Variants in SFXN5 observed in about 807,000 individuals in gnomAD.
SFXN5 encodes sideroflexin 5.
A neutral mutation model predicts 50.2 loss-of-function variants in SFXN5; 43 were observed. The ratio of observed to expected loss-of-function variants is 0.86; its 90% CI spans 0.67 to 1.11. The LOEUF is 1.11. Among genes scored for constraint, SFXN5 ranks in the 50% least tolerant of loss-of-function variants. The pLI, the probability that SFXN5 is intolerant of heterozygous loss-of-function variation, is 0.00. For missense variants in SFXN5, 463 were observed against 454.1 expected (o/e 1.02, Z -0.18); for synonymous variants, 203 against 185.8 (o/e 1.09, Z -0.75).
intron 12 of SFXN5, chr2:72,967,452 G>C (rs1674547191): frequency 1.3e-5 from 2 of 152,372 alleles, no homozygotes; most frequent in Admixed American, 1.3e-4. Flanking sequence ...GGGGTGGTCA[G>C]GGAGGGCCTC....
At chr2:72,966,307 A>T (rs562414196) in intron 12 of SFXN5, among the ~76,000 whole-genome samples, 1 of 152,322 alleles carries the variant, frequency 6.6e-6, no homozygotes, top group African/African-American at 2.4e-5. Context: ...TCACTGAACC[A>T]GCTTCAGAAT....
chr2:73,029,167 C>T (rs1212417885), intron 3 of SFXN5, among the ~76,000 whole-genome samples: 2 of 152,280 alleles, frequency 1.3e-5, no homozygotes, highest in African/African-American at 2.4e-5. Flanking sequence ...GATAGTGAGG[C>T]CCTAAAGACA....
At chr2:73,021,639 C>CTGGG (rs1676904943) in intron 5 of SFXN5, among the ~76,000 whole-genome samples, 1 of 152,172 alleles carries the variant, frequency 6.6e-6, no homozygotes. Flanking sequence ...GCCAGGCTCT[C>CTGGG]TGGGGGTGGC....
intron 3 of SFXN5, among the ~76,000 whole-genome samples, chr2:73,025,769 C>T (rs1427311311): frequency 3.3e-5 from 5 of 152,132 alleles, no homozygotes; most frequent in African/African-American, 9.7e-5. Flanking sequence ...AAGGTGCAGG[C>T]GGCATGGCCA....
In SFXN5 at chr2:73,052,359, CGTGTGTGTGTGTGTGTGT is replaced by C. The variant is rs59839344; in HGVS notation, c.171+6151_171+6168del. 2.0e-3 allele frequency among the ~76,000 whole-genome samples: 283 copies of C among 142,452 alleles called. 2 individuals are homozygous for C. The highest frequency in any genetic ancestry group is 5.5e-3 in the African/African-American group (217 of 39,328). 93.5% of individuals were successfully genotyped at this position (142,452 alleles called of 152,430 possible). On this transcript the variant is annotated intron_variant, in intron 2 of 13. Coordinates refer to ENST00000272433, the MANE Select transcript of SFXN5 (RefSeq NM_144579.3). ...GAGAGAGTGTGTGTGTGTGTGTATG[CGTGTGTGTGTGTGTGTGT>C]GTGTGTGTGTGTGTGATGAGTGCAT...
intron 1 of SFXN5, among the ~76,000 whole-genome samples, chr2:73,064,986 C>T (rs1218898382): frequency 6.6e-6 from 1 of 152,162 alleles, no homozygotes; most frequent in Non-Finnish European, 1.5e-5. Context: ...GGGGTTTCGC[C>T]ATGTTGCCTG....
In SFXN5 at chr2:73,001,578, C is replaced by T; in HGVS notation, c.358G>A (p.Val120Ile). The change falls in exon 7 of 14, where the codon GTA becomes ATA. Residue 120 changes from valine (V) to isoleucine (I), a missense_variant and splice_region_variant. Val to Ile is a conservative substitution (Grantham distance 29). Coordinates refer to ENST00000272433, the MANE Select transcript of SFXN5 (RefSeq NM_144579.3). The part of the protein sequence containing the change: ...SGYIPFGTPI[V>I]VGLLLPNQTL... ...TGGTTGGGCAAGAGAAGACCGACTACCTATGAGCAAGAGAGAAGAAATGCT... is the reference window on the plus strand; with the variant it reads ...TGGTTGGGCAAGAGAAGACCGACTATCTATGAGCAAGAGAGAAGAAATGCT... 2 of 1,614,128 alleles carry T rather than the reference C, an allele frequency of 1.2e-6. No individual in the cohort carries two copies. Among genetic ancestry groups the T allele is most frequent in the Non-Finnish European group, 1.7e-6 (2 of 1,179,992 alleles).
rs1048532877 is a variant in SFXN5, at chr2:72,953,774, C to G, written c.945+7357G>C. 4.6e-5 allele frequency among the ~76,000 whole-genome samples: 7 copies of G among 152,298 alleles called. No individual in the cohort carries two copies. Among genetic ancestry groups the G allele is most frequent in the African/African-American group, 1.7e-4 (7 of 41,556 alleles). ...GTGGACTCACATTCCAGCTTATTCC[C>G]AGCTCTTCTCCATTCTTGGTTGGGG... On this transcript the variant is annotated intron_variant, in intron 13 of 13. Transcript: ENST00000272433. The surrounding 1 kb of genome is among the most constrained non-coding windows in gnomAD (Gnocchi z 4.1).
chr2:72,950,955 G>A lies in SFXN5; in HGVS notation c.946-5856C>T, dbSNP rs1672464327. 6.6e-6 allele frequency among the ~76,000 whole-genome samples: 1 copy of A among 152,170 alleles called. No individual in the cohort carries two copies. Among genetic ancestry groups the A allele is most frequent in the Non-Finnish European group, 1.5e-5 (1 of 68,020 alleles). The stretch of plus-strand genomic sequence containing the variant: ...CCCAGGCCCAGGCAGCCAGCTCGGG[G>A]CGGGCTGGAATCCGTGGGCCCATCA... On this transcript the variant is annotated intron_variant, in intron 13 of 13. Coordinates refer to ENST00000272433, the MANE Select transcript of SFXN5 (RefSeq NM_144579.3). The surrounding 1 kb of genome is among the most constrained non-coding windows in gnomAD (Gnocchi z 4.2).
intron 2 of SFXN5, 26 bp from the exon 3 acceptor site, chr2:73,040,957 GA>G: frequency 6.2e-7 from 1 of 1,602,798 alleles, no homozygotes; most frequent in Non-Finnish European, 8.5e-7. Flanking sequence ...AAGAGACATT[GA>G]GGGGCACAGA....
intron 1 of SFXN5, among the ~76,000 whole-genome samples, chr2:73,067,137 G>A (rs1683237964): frequency 6.7e-6 from 1 of 150,190 alleles, no homozygotes; most frequent in South Asian, 2.1e-4. Context: ...AATATCATGT[G>A]ATAAAGAGAG....
chr2:72,996,520 T>TC (rs1385820282), intron 9 of SFXN5: 1 of 152,690 alleles, frequency 6.5e-6, no homozygotes, highest in Non-Finnish European at 1.4e-5. Context: ...TTTTTTTTTT[T>TC]TTTTTTGAGA....
chr2:73,050,745 A>C (rs981263864), intron 2 of SFXN5, among the ~76,000 whole-genome samples: 1 of 152,202 alleles, frequency 6.6e-6, no homozygotes, highest in Non-Finnish European at 1.5e-5. Context: ...TTCTAGCCAT[A>C]CTAATCTCCT....
intron 3 of SFXN5, among the ~76,000 whole-genome samples, chr2:73,027,236 T>A (rs1386217029): frequency 1.3e-5 from 2 of 152,256 alleles, no homozygotes; most frequent in South Asian, 2.1e-4. Flanking sequence ...CCTGACTCCA[T>A]GTAGGCCTAG....
At chr2:73,024,955 C>T (rs1221935864) in intron 3 of SFXN5, among the ~76,000 whole-genome samples, 1 of 152,184 alleles carries the variant, frequency 6.6e-6, no homozygotes, top group Non-Finnish European at 1.5e-5. Flanking sequence ...GCCTAATTAA[C>T]TCTTATTTTA....
chr2:72,962,286 C>T (rs1422307130), intron 12 of SFXN5, among the ~76,000 whole-genome samples: 6 of 152,350 alleles, frequency 3.9e-5, no homozygotes, highest in Non-Finnish European at 7.4e-5. Context: ...TCCGCCGCCC[C>T]CAGCAGGGCT....
At chr2:73,047,921 T>C (rs1262875015) in intron 2 of SFXN5, among the ~76,000 whole-genome samples, 2 of 152,208 alleles carry the variant, frequency 1.3e-5, no homozygotes, top group Admixed American at 6.5e-5. Flanking sequence ...TATTGCAATA[T>C]TATTTATGAA....
chr2:72,945,526 A>G lies in SFXN5; in HGVS notation c.946-427T>C, dbSNP rs1428123956. On this transcript the variant is annotated intron_variant, in intron 13 of 13. Transcript: ENST00000272433. The surrounding 1 kb of genome is among the most constrained non-coding windows in gnomAD (Gnocchi z 5.8). ...CAAACCCCACCCTCCTGGGCTCCTC[A>G]GTCGCCTGTCCTTCCAGCACCCCAC... is the stretch of plus-strand genomic sequence containing the variant. Among the ~76,000 whole-genome samples, 1 of 151,700 alleles carries G rather than the reference A, an allele frequency of 6.6e-6. No individual in the cohort carries two copies. The highest frequency in any genetic ancestry group is 1.5e-5 in the Non-Finnish European group (1 of 67,894).
At chr2:73,015,178 A>T (rs112960291) in intron 6 of SFXN5, among the ~76,000 whole-genome samples, 11 of 152,262 alleles carry the variant, frequency 7.2e-5, no homozygotes, top group African/African-American at 2.6e-4. Flanking sequence ...AAATTGAGTT[A>T]TGTTTTATTT....
Sources: allele counts gnomAD v4.1 joint callset (sites outside exome capture counted in the v4.1 genomes callset), GRCh38; gene constraint gnomAD v4.1.1; non-coding constraint Gnocchi (gnomAD v3.1); transcripts MANE v1.5; gene names NCBI Gene and HGNC (gene_info 2026-07-23, HGNC 2026-07-21).